ANKRD12: variants seen among roughly 807,000 people sequenced by gnomAD.
The protein encoded by ANKRD12 is ankyrin repeat domain 12, also known as ankyrin repeat domain-containing protein 12.
A neutral mutation model predicts 183.4 loss-of-function variants in ANKRD12; 85 were observed. That is an observed-to-expected ratio of 0.46 (90% CI 0.39 to 0.56). The LOEUF is 0.56. Ranked by LOEUF, ANKRD12 falls within the 20% of genes least tolerant of loss-of-function variation. The pLI, the probability that ANKRD12 is intolerant of heterozygous loss-of-function variation, is 0.00. For synonymous variants in ANKRD12, 914 were observed against 800.2 expected (o/e 1.14, Z -2.40); for missense variants, 2,405 against 2,357.1 (o/e 1.02, Z -0.42).
intron 9 of ANKRD12, among the ~76,000 whole-genome samples, chr18:9,259,184 A>G (rs2038815941): frequency 6.6e-6 from 1 of 152,230 alleles, no homozygotes; most frequent in South Asian, 2.1e-4. Context: ...ATAACTATAA[A>G]GAACAAATTT....
chr18:9,195,525 C>G, intron 2 of ANKRD12, 26 bp from the exon 3 acceptor site: 1 of 1,547,600 alleles, frequency 6.5e-7, no homozygotes. Flanking sequence ...ATTGATATAA[C>G]TTTACTCTAT....
intron 8 of ANKRD12, among the ~76,000 whole-genome samples, chr18:9,226,908 T>G (rs576020912): frequency 6.6e-6 from 1 of 152,144 alleles, no homozygotes; most frequent in Admixed American, 6.5e-5. Context: ...AGTAGAAATA[T>G]GCCAGATTAT....
intron 11 of ANKRD12, among the ~76,000 whole-genome samples, chr18:9,278,097 C>T (rs372483346): frequency 7.2e-5 from 11 of 152,276 alleles, no homozygotes; most frequent in Admixed American, 3.9e-4. Flanking sequence ...AGAAATTCAG[C>T]TTGATGAGAT....
rs776972056 is a variant in ANKRD12, at chr18:9,208,709, A to T, written c.357A>T (p.Lys119Asn). 1.9e-6 allele frequency: 3 copies of T among 1,611,384 alleles called. No homozygotes were observed. Among genetic ancestry groups the T allele is most frequent in the Non-Finnish European group, 2.5e-6 (3 of 1,178,684 alleles). The part of the protein sequence containing the change: ...KKTKKEAGNK[K>N]STPVSILFGY... The stretch of plus-strand genomic sequence containing the variant: ...CAAAAAAGGAAGCTGGAAATAAGAA[A>T]TCCACACCAGTTAGCATTCTTTTTG... Residue 119 changes from lysine (K) to asparagine (N), a missense_variant, in exon 5 of 13, where the codon AAA becomes AAT. Lys to Asn is a moderately conservative substitution (Grantham distance 94). This residue lies in a region of ANKRD12 where 145 missense variants were observed against 145.6 expected (regional missense o/e 1.00). Transcript: ENST00000262126.
At chr18:9,154,550 C>T (rs928421891) in intron 1 of ANKRD12, among the ~76,000 whole-genome samples, 10 of 152,116 alleles carry the variant, frequency 6.6e-5, no homozygotes, top group Non-Finnish European at 5.9e-5. Context: ...TAGTGAAACT[C>T]GTCTCTTAAA....
intron 1 of ANKRD12, among the ~76,000 whole-genome samples, chr18:9,155,224 G>A (rs2030227256): frequency 1.3e-5 from 2 of 152,198 alleles, no homozygotes; most frequent in South Asian, 2.1e-4. Flanking sequence ...TGCTGTCACA[G>A]CAGAGTGACT....
At chr18:9,185,003 A>G (rs1276898120) in intron 2 of ANKRD12, among the ~76,000 whole-genome samples, 2 of 152,232 alleles carry the variant, frequency 1.3e-5, no homozygotes, top group Non-Finnish European at 1.5e-5. Context: ...TAACAGGTTC[A>G]GCGATAGCCT....
Position 9,276,722 on chromosome 18 carries a change from CAAAAAAAA to C in ANKRD12, c.5907+1058_5907+1065del, listed in dbSNP as rs372456702. ...AGTGGGACCCTGTCTCAAAAAAAAA[CAAAAAAAA>C]AACTTTAAGTCTCCAACTTTTATTT... is the stretch of plus-strand genomic sequence containing the variant. On this transcript the variant is annotated intron_variant, in intron 11 of 12. Transcript: ENST00000262126. Among the ~76,000 whole-genome samples, 6 of 144,546 alleles carry C rather than the reference CAAAAAAAA, an allele frequency of 4.2e-5. No individual in the cohort carries two copies. The East Asian group carries it at 1.2e-3, about 29-fold the overall frequency. 94.8% of individuals were successfully genotyped at this position (144,546 alleles called of 152,430 possible).
At position 9,257,888 on chromosome 18, in the gene ANKRD12, T is replaced by A; in HGVS notation, c.4621T>A (p.Ser1541Thr). The change falls in exon 9 of 13, where the codon TCT (serine) becomes ACT (threonine). Residue 1541 changes from serine to threonine, a missense_variant. By Grantham distance (58) the Ser-to-Thr change is moderately conservative. This residue lies in a region of ANKRD12 where 1,983 missense variants were observed against 1,725.9 expected (regional missense o/e 1.15). Transcript: ENST00000262126. ...TTCTGCTTTAGATACTGATAATGAA[T>A]CTACAAAAGATACAGAAAATACTTT... Reference protein sequence around the residue: ...ISSALDTDNESTKDTENTFVL... With the variant: ...ISSALDTDNETTKDTENTFVL... 1 of 1,613,746 alleles carries A rather than the reference T, an allele frequency of 6.2e-7. No homozygotes were observed. Among genetic ancestry groups the A allele is most frequent in the Non-Finnish European group, 8.5e-7 (1 of 1,179,886 alleles).
chr18:9,245,003 G>C (rs1422137550), intron 8 of ANKRD12, among the ~76,000 whole-genome samples: 1 of 152,024 alleles, frequency 6.6e-6, no homozygotes, highest in Non-Finnish European at 1.5e-5. Context: ...TTTTATAACA[G>C]AAGCACAATA....
intron 10 of ANKRD12, among the ~76,000 whole-genome samples, chr18:9,267,071 C>T (rs1346010201): frequency 6.6e-6 from 1 of 152,026 alleles, no homozygotes; most frequent in East Asian, 1.9e-4. Context: ...AGCTAACTAT[C>T]CTAAATATAT....
Position 9,270,326 on chromosome 18 carries a change from C to A in ANKRD12, c.5764-5198C>A, listed in dbSNP as rs547110509. ...GACACATGCACACGTATGTTTATTG[C>A]GGCACTATTCACAGTAGCAAAGACT... On this transcript the variant is annotated intron_variant, in intron 10 of 12. Transcript: ENST00000262126. Among the ~76,000 whole-genome samples the A allele has an allele frequency of 2.0e-5, 3 of 152,082 alleles. No homozygotes were observed. The East Asian group carries it at 5.8e-4, about 29-fold the overall frequency.
At chr18:9,239,890 G>T (rs191144365) in intron 8 of ANKRD12, among the ~76,000 whole-genome samples, 58 of 152,262 alleles carry the variant, frequency 3.8e-4, no homozygotes, top group Non-Finnish European at 5.6e-4. Context: ...TTCTAAATGT[G>T]GTTTATTCAT....
chr18:9,218,375 T>TA (rs1469965410), intron 7 of ANKRD12, among the ~76,000 whole-genome samples: 1 of 152,208 alleles, frequency 6.6e-6, no homozygotes, highest in Non-Finnish European at 1.5e-5. Flanking sequence ...TTCTCCTTGT[T>TA]CCTTTTACTT....
chr18:9,242,080 G>T (rs1489084086), intron 8 of ANKRD12, among the ~76,000 whole-genome samples: 1 of 151,660 alleles, frequency 6.6e-6, no homozygotes, highest in African/African-American at 2.4e-5. Context: ...AAAAATAAAT[G>T]GCAAATTCTG....
intron 8 of ANKRD12, among the ~76,000 whole-genome samples, chr18:9,231,192 T>A (rs1200059968): frequency 6.6e-6 from 1 of 152,200 alleles, no homozygotes; most frequent in South Asian, 2.1e-4. Flanking sequence ...CAGTCACATG[T>A]TCCATGTGCT....
Position 9,258,846 on chromosome 18 carries a change from C to T in ANKRD12, c.5579C>T (p.Ala1860Val). The change falls in exon 9 of 13, where the codon GCA (alanine) becomes GTA (valine). Residue 1860 changes from alanine (A) to valine (V), a missense_variant. Ala to Val is a moderately conservative substitution (Grantham distance 64). Transcript: ENST00000262126. ...TTACTGTGTAGTGTGATTCCTCAAGCACCTCAGTACTATGACGAATATGTA... is the reference window on the plus strand; with the variant it reads ...TTACTGTGTAGTGTGATTCCTCAAGTACCTCAGTACTATGACGAATATGTA... ...RKLLCSVIPQAPQYYDEYVTF... is the reference protein window; with the variant it reads ...RKLLCSVIPQVPQYYDEYVTF... The T allele has an allele frequency of 6.2e-7, 1 of 1,613,870 alleles. No individual in the cohort carries two copies. Among genetic ancestry groups the T allele is most frequent in the Non-Finnish European group, 8.5e-7 (1 of 1,179,838 alleles).
At chr18:9,219,594 C>T (rs1179034579) in intron 7 of ANKRD12, among the ~76,000 whole-genome samples, 1 of 151,904 alleles carries the variant, frequency 6.6e-6, no homozygotes, top group African/African-American at 2.4e-5. Flanking sequence ...CTCCTCTTGC[C>T]TCCTCCCTCT....
chr18:9,214,138 A>G (rs11081467), intron 6 of ANKRD12, among the ~76,000 whole-genome samples: 117,985 of 151,844 alleles, frequency 0.78, 46,059 homozygotes, highest in Middle Eastern at 0.86. Context: ...GATGAACTGC[A>G]TAGCCTAGAA....
Sources: allele counts gnomAD v4.1 joint callset (sites outside exome capture counted in the v4.1 genomes callset), GRCh38; gene constraint gnomAD v4.1.1; regional missense constraint gnomAD v4.1.1; transcripts MANE v1.5; gene names NCBI Gene and HGNC (gene_info 2026-07-23, HGNC 2026-07-21).